The following ATXN7L1 variants were observed in gnomAD, a reference collection of about 807,000 sequenced individuals.
The protein encoded by ATXN7L1 is ataxin 7 like 1.
A neutral mutation model predicts 70.8 loss-of-function variants in ATXN7L1; 15 were observed. The observed-to-expected ratio is 0.21, with a 90% CI of 0.14 to 0.33. The LOEUF (loss-of-function observed/expected upper bound fraction) is 0.33, where lower values mean the gene tolerates loss of function less well. Among genes scored for constraint, ATXN7L1 ranks in the 10% least tolerant of loss-of-function variants. ATXN7L1 has a pLI of 1.00. For missense variants in ATXN7L1, 975 were observed against 1,097.1 expected, an observed-to-expected ratio of 0.89 and a Z score of 1.57; for synonymous variants, 440 against 445.1, an observed-to-expected ratio of 0.99 and a Z score of 0.14.
intron 3 of ATXN7L1, among the ~76,000 whole-genome samples, chr7:105,722,755 T>C (rs1325615773): frequency 6.6e-6 from 1 of 150,882 alleles, no homozygotes; most frequent in Non-Finnish European, 1.5e-5. Flanking sequence ...CGTGGTGGCA[T>C]GTGCCTGTAA....
At chr7:105,695,778 T>C (rs1248367487) in intron 3 of ATXN7L1, among the ~76,000 whole-genome samples, 2 of 152,220 alleles carry the variant, frequency 1.3e-5, no homozygotes, top group African/African-American at 4.8e-5. Flanking sequence ...CACTGTCATG[T>C]TCCTTTGCCC....
chr7:105,704,113 C>G (rs1792826237), intron 3 of ATXN7L1, among the ~76,000 whole-genome samples: 2 of 152,158 alleles, frequency 1.3e-5, no homozygotes, highest in South Asian at 4.1e-4. Flanking sequence ...GTGGCCAAAC[C>G]ACTTTAGGTT....
At chr7:105,612,249 G>A (rs1793219682) in intron 10 of ATXN7L1, among the ~76,000 whole-genome samples, 1 of 152,208 alleles carries the variant, frequency 6.6e-6, no homozygotes, top group Non-Finnish European at 1.5e-5. Context: ...TAACCCTCCT[G>A]TGCCTTGGTT....
At chr7:105,814,825 C>A (rs1808953218) in intron 2 of ATXN7L1, among the ~76,000 whole-genome samples, 1 of 152,154 alleles carries the variant, frequency 6.6e-6, no homozygotes, top group African/African-American at 2.4e-5. Context: ...ATCTCATGTA[C>A]AAATAAATTC....
chr7:105,788,858 A>G (rs1315240565), intron 2 of ATXN7L1, 150 bp from the exon 3 acceptor site: 2 of 651,444 alleles, frequency 3.1e-6, no homozygotes, highest in Non-Finnish European at 5.5e-6. Flanking sequence ...TCGGTTTGTC[A>G]TAAGGCAACT....
intron 2 of ATXN7L1, among the ~76,000 whole-genome samples, chr7:105,845,454 A>G (rs1254275695): frequency 1.3e-5 from 2 of 151,980 alleles, no homozygotes; most frequent in Non-Finnish European, 2.9e-5. Flanking sequence ...AATGTTGCTA[A>G]GATGGTTTGC....
chr7:105,768,805 G>C (rs1014422904), intron 3 of ATXN7L1, among the ~76,000 whole-genome samples: 1 of 152,250 alleles, frequency 6.6e-6, no homozygotes, highest in African/African-American at 2.4e-5. Flanking sequence ...AGTTATTGCA[G>C]AAAGCTTGGG....
chr7:105,800,692 A>G (rs144095354), intron 2 of ATXN7L1, among the ~76,000 whole-genome samples: 1 of 152,304 alleles, frequency 6.6e-6, no homozygotes, highest in East Asian at 1.9e-4. Flanking sequence ...ATGAGCAACA[A>G]ATTCCTGTTC....
intron 2 of ATXN7L1, among the ~76,000 whole-genome samples, chr7:105,850,278 A>G (rs924822579): frequency 6.6e-6 from 1 of 152,210 alleles, no homozygotes; most frequent in Non-Finnish European, 1.5e-5. Flanking sequence ...TCATTTCCTC[A>G]TGCCTGTCAT....
At chr7:105,611,490 G>A (rs752338761) in intron 10 of ATXN7L1, among the ~76,000 whole-genome samples, 2 of 152,232 alleles carry the variant, frequency 1.3e-5, no homozygotes, top group Non-Finnish European at 2.9e-5. Flanking sequence ...TCCTGCCTCA[G>A]CCTCCCGAGT....
chr7:105,848,806 C>T (rs970479118), intron 2 of ATXN7L1, among the ~76,000 whole-genome samples: 8 of 152,186 alleles, frequency 5.3e-5, no homozygotes, highest in Admixed American at 2.0e-4. Flanking sequence ...GTGCACCCAG[C>T]CTAGAGCATG....
intron 3 of ATXN7L1, among the ~76,000 whole-genome samples, chr7:105,778,190 T>C (rs1174521771): frequency 6.6e-6 from 1 of 152,034 alleles, no homozygotes; most frequent in Non-Finnish European, 1.5e-5. Context: ...GATGAGATAA[T>C]AAGTAGAAGA....
At chr7:105,689,334 C>T in intron 3 of ATXN7L1, among the ~76,000 whole-genome samples, 1 of 152,114 alleles carries the variant, frequency 6.6e-6, no homozygotes, top group East Asian at 1.9e-4. Context: ...GTCTGGAGGG[C>T]CTGGGAGGGG....
chr7:105,768,420 A>T (rs1801559236), intron 3 of ATXN7L1, among the ~76,000 whole-genome samples: 1 of 152,056 alleles, frequency 6.6e-6, no homozygotes, highest in Admixed American at 6.5e-5. Flanking sequence ...CAACAAACTT[A>T]TCTGTGGCCT....
chr7:105,754,978 T>A (rs1799637361), intron 3 of ATXN7L1, among the ~76,000 whole-genome samples: 1 of 152,176 alleles, frequency 6.6e-6, no homozygotes, highest in African/African-American at 2.4e-5. Context: ...CAGACATAAA[T>A]GTTGTGTTTT....
intron 2 of ATXN7L1, among the ~76,000 whole-genome samples, chr7:105,800,706 C>A (rs180951827): frequency 6.6e-6 from 1 of 152,318 alleles, no homozygotes. Flanking sequence ...CCTGTTCTGC[C>A]TCCAGTTGGC....
At chr7:105,642,520 T>C (rs993736403) in intron 5 of ATXN7L1, among the ~76,000 whole-genome samples, 1 of 152,184 alleles carries the variant, frequency 6.6e-6, no homozygotes, top group Non-Finnish European at 1.5e-5. Context: ...GTTTGTATGA[T>C]ACAGATACAC....
chr7:105,638,423 C>T lies in ATXN7L1; in HGVS notation c.1132G>A (p.Gly378Arg). Residue 378 changes from glycine to arginine, a missense_variant, in exon 7 of 12, where the codon GGG becomes AGG. Transcript: ENST00000419735. ...PAQDSLLGSS[G>R]SSGPEPKVAS... ...ACTTTTGGTTCTGGCCCAGAGCTCC[C>T]TGAAGACCCTAGCAGAGAATCCTGT... 6.4e-7 allele frequency: 1 copy of T among 1,552,292 alleles called. No individual in the cohort carries two copies. The highest frequency in any genetic ancestry group is 1.4e-5 in the African/African-American group (1 of 73,148).
chr7:105,638,199 A>G (rs1797664811), intron 7 of ATXN7L1, among the ~76,000 whole-genome samples, 154 bp downstream of exon 7: 1 of 152,204 alleles, frequency 6.6e-6, no homozygotes, highest in Non-Finnish European at 1.5e-5. Flanking sequence ...TGGGCCTCTT[A>G]TGTACATTAT....
Sources: allele counts gnomAD v4.1 joint callset (sites outside exome capture counted in the v4.1 genomes callset), GRCh38; gene constraint gnomAD v4.1.1; transcripts MANE v1.5; gene names NCBI Gene and HGNC (gene_info 2026-07-23, HGNC 2026-07-21).